SLC32A1: variants seen among roughly 807,000 people sequenced by gnomAD.
SLC32A1 encodes solute carrier family 32 member 1.
Under a neutral mutation model 35.5 loss-of-function variants are expected in SLC32A1, and 8 were observed. That is an observed-to-expected ratio of 0.23 (90% CI 0.13 to 0.41). The LOEUF is 0.41. Ranked by LOEUF, SLC32A1 falls within the 10% of genes least tolerant of loss-of-function variation. The probability of loss-of-function intolerance (pLI) is 1.00; values close to 1 mark genes in which losing one functional copy is unlikely to be tolerated. For missense variants in SLC32A1, 493 were observed against 722.3 expected (o/e 0.68, Z 3.64); for synonymous variants, 317 against 326.3 (o/e 0.97, Z 0.31).
chr20:38,728,794 T>A lies in SLC32A1; in HGVS notation c.*155T>A. Reference sequence around the variant, plus strand: ...TCTGATTATTCGGGGATGGGGGGGATGGGAGGGGACAGGGATTCACGATCC... The same window carrying A: ...TCTGATTATTCGGGGATGGGGGGGAAGGGAGGGGACAGGGATTCACGATCC... On this transcript the variant is annotated 3_prime_UTR_variant, in exon 2 of 2. Coordinates refer to ENST00000217420, the MANE Select transcript of SLC32A1 (RefSeq NM_080552.3). 1 of 310,838 alleles carries A rather than the reference T, an allele frequency of 3.2e-6. No individual in the cohort carries two copies. The highest frequency in any genetic ancestry group is 2.5e-5 in the South Asian group (1 of 40,224). The allele number at this position is 310,838 out of a possible 1,614,324, so 19.3% of individuals were successfully genotyped here.
In SLC32A1 at chr20:38,727,767, C is replaced by A. The variant is rs777297939; in HGVS notation, c.706C>A (p.Leu236Met). 1.2e-5 allele frequency: 20 copies of A among 1,614,198 alleles called. No individual in the cohort carries two copies. Among genetic ancestry groups the A allele is most frequent in the Non-Finnish European group, 1.5e-5 (18 of 1,180,038 alleles). ...GNLMYNSFPGLPVSQKSWSII... is the reference protein window; with the variant it reads ...GNLMYNSFPGMPVSQKSWSII... ...CCTCATGTACAACAGCTTCCCGGGG[C>A]TGCCCGTGTCGCAGAAGTCCTGGTC... is the stretch of plus-strand genomic sequence containing the variant. The change falls in exon 2 of 2, where the codon CTG becomes ATG. Residue 236 changes from leucine to methionine, a missense_variant. Physicochemically the swap from Leu to Met is conservative, Grantham distance 15. Around this residue, in one of 4 missense-constraint regions of SLC32A1, gnomAD observed 269 missense variants for 445.6 expected, o/e 0.60. Coordinates refer to ENST00000217420, the MANE Select transcript of SLC32A1 (RefSeq NM_080552.3).
At chr20:38,725,213 C>A (rs1298202287) in intron 1 of SLC32A1, 99 bp downstream of exon 1, 5 of 1,400,972 alleles carry the variant, frequency 3.6e-6, no homozygotes, top group Non-Finnish European at 4.7e-6. Context: ...GGCCTGGAGA[C>A]CCCCTCCTGT....
In SLC32A1 at chr20:38,724,563, C is replaced by A. The variant is rs1054331620; in HGVS notation, c.-162C>A. The stretch of plus-strand genomic sequence containing the variant: ...CTTGCCCGGTCCAGCCCTGAGAGAG[C>A]CTCGAACGCCAGCTGCGAGGGTCAT... On this transcript the variant is annotated 5_prime_UTR_variant, in exon 1 of 2. Transcript: ENST00000217420. 4.5e-6 allele frequency: 4 copies of A among 888,980 alleles called. No homozygotes were observed. Among genetic ancestry groups the A allele is most frequent in the Non-Finnish European group, 6.6e-6 (4 of 602,900 alleles). The allele number at this position is 888,980 out of a possible 1,614,324, so 55.1% of individuals were successfully genotyped here. A position where few individuals can be genotyped will look rare whatever the true frequency, so the allele number is the denominator to read the frequency against.
chr20:38,729,145 T>G lies in SLC32A1; in HGVS notation c.*506T>G. On this transcript the variant is annotated 3_prime_UTR_variant, in exon 2 of 2. Transcript: ENST00000217420. ...GGGAAATCCATTTTGGGTGGGCAAT[T>G]TCCTTCAACGAAGCCGGAAGGCGAG... 6.5e-6 allele frequency: 1 copy of G among 154,304 alleles called. No homozygotes were observed. The allele number at this position is 154,304 out of a possible 1,614,324, so 9.6% of individuals were successfully genotyped here.
In SLC32A1 at chr20:38,726,657, C is replaced by T. The variant is rs2084277342; in HGVS notation, c.391-795C>T. On this transcript the variant is annotated intron_variant, in intron 1 of 1. Coordinates refer to ENST00000217420, the MANE Select transcript of SLC32A1 (RefSeq NM_080552.3). This position sits in a 1 kb window ranked among gnomAD's most constrained non-coding sequence, Gnocchi z 4.7. ...CCTGGCGCCTTCCCGCCAAGCTCCTCCTCCTGCTTGCCTCCCCAGCCTCCA... is the reference window on the plus strand; with the variant it reads ...CCTGGCGCCTTCCCGCCAAGCTCCTTCTCCTGCTTGCCTCCCCAGCCTCCA... 6.6e-6 allele frequency among the ~76,000 whole-genome samples: 1 copy of T among 152,188 alleles called. No individual in the cohort carries two copies. The highest frequency in any genetic ancestry group is 1.5e-5 in the Non-Finnish European group (1 of 68,036).
At chr20:38,727,368 C>T in intron 1 of SLC32A1, 84 bp from the exon 2 acceptor site, 1 of 1,335,972 alleles carries the variant, frequency 7.5e-7, no homozygotes, top group Non-Finnish European at 1.0e-6. Flanking sequence ...CTTCGGGCCA[C>T]AGCGTTAAGC....
At position 38,729,370 on chromosome 20, in the gene SLC32A1, G is replaced by C. The variant is rs1356081086; in HGVS notation, c.*731G>C. ...ATCCGCAAATAAAGAAGAGACAAAG[G>C]CTTGCGCGGCCCGGTGTCGGGTTTG... On this transcript the variant is annotated 3_prime_UTR_variant, in exon 2 of 2. Transcript: ENST00000217420. 6.6e-6 allele frequency: 1 copy of C among 152,584 alleles called. No individual in the cohort carries two copies. The highest frequency in any genetic ancestry group is 2.1e-4 in the South Asian group (1 of 4,830). 9.5% of individuals were successfully genotyped at this position (152,584 alleles called of 1,614,324 possible).
chr20:38,726,834 C>T lies in SLC32A1; in HGVS notation c.391-618C>T, dbSNP rs1161430521. ...TGTTCTTGCCTCCCAGGGGCTTTGC[C>T]CCACCTTCAGCCCCTCTCCCTCTCT... On this transcript the variant is annotated intron_variant, in intron 1 of 1. Transcript: ENST00000217420. The surrounding 1 kb of genome is among the most constrained non-coding windows in gnomAD (Gnocchi z 4.7). 1.3e-5 allele frequency among the ~76,000 whole-genome samples: 2 copies of T among 152,186 alleles called. No homozygotes were observed. Among genetic ancestry groups the T allele is most frequent in the Non-Finnish European group, 2.9e-5 (2 of 68,022 alleles).
rs6100927 is a variant in SLC32A1 at position 38,728,298 on chromosome 20, G to T, written c.1237G>T (p.Gly413Cys). The change falls in exon 2 of 2, where the codon GGC (glycine) becomes TGC (cysteine). Residue 413 changes from glycine (G) to cysteine (C), a missense_variant. Physicochemically the swap from Gly to Cys is radical, Grantham distance 159. This residue lies in a region of SLC32A1 where 269 missense variants were observed against 445.6 expected (regional missense o/e 0.60). Transcript: ENST00000217420. The part of the protein sequence containing the change: ...EVLEKSLFQE[G>C]SRAFFPACYS... ...GCTGGAGAAGTCGCTCTTCCAGGAA[G>T]GCAGCCGCGCCTTTTTCCCGGCCTG... 4 of 1,613,634 alleles carry T rather than the reference G, an allele frequency of 2.5e-6. No individual in the cohort carries two copies. Among genetic ancestry groups the T allele is most frequent in the Non-Finnish European group, 3.4e-6 (4 of 1,179,694 alleles).
At position 38,726,708 on chromosome 20, in the gene SLC32A1, C is replaced by A. The variant is rs1053282730; in HGVS notation, c.391-744C>A. ...CTTAGTCCCCTTCCTTAGGTCTCGC[C>A]CTCGCCTCACTCTAACTCCAGCCTT... is the stretch of plus-strand genomic sequence containing the variant. On this transcript the variant is annotated intron_variant, in intron 1 of 1. Coordinates refer to ENST00000217420, the MANE Select transcript of SLC32A1 (RefSeq NM_080552.3). The surrounding 1 kb of genome is among the most constrained non-coding windows in gnomAD (Gnocchi z 4.7). Among the ~76,000 whole-genome samples, 2 of 152,134 alleles carry A rather than the reference C, an allele frequency of 1.3e-5. No individual in the cohort carries two copies. Among genetic ancestry groups the A allele is most frequent in the African/African-American group, 4.8e-5 (2 of 41,422 alleles).
chr20:38,725,212 A>C, intron 1 of SLC32A1, 98 bp downstream of exon 1: 3 of 1,386,624 alleles, frequency 2.2e-6, no homozygotes, highest in Admixed American at 2.8e-5. Flanking sequence ...CGGCCTGGAG[A>C]CCCCCTCCTG....
Position 38,724,985 on chromosome 20 carries a change from A to G in SLC32A1, c.261A>G (p.Arg87=). 6.3e-7 allele frequency: 1 copy of G among 1,591,398 alleles called. No individual in the cohort carries two copies. Among genetic ancestry groups the G allele is most frequent in the East Asian group, 2.3e-5 (1 of 44,366 alleles). ...TCGAGGGAGACATCCATTATCAGCG[A>G]GGCAGCGGAGCTCCTCTGCCGCCCT... ...APVEGDIHYQ[R]GSGAPLPPSG... is the part of the protein sequence containing the mutation. Residue 87 remains arginine, a synonymous_variant, in exon 1 of 2, where the codon CGA becomes CGG. Transcript: ENST00000217420.
Position 38,727,451 on chromosome 20 carries a change from G to C in SLC32A1, c.391-1G>C. On this transcript the variant is annotated splice_acceptor_variant, in intron 1 of 1. Transcript: ENST00000217420. LOFTEE classifies it high-confidence loss of function. Reference sequence around the variant, plus strand: ...CGTCTGGTTGCCTCTCCGCCCCACAGGGCATGTTCGTGCTGGGCCTACCCT... The same window carrying C: ...CGTCTGGTTGCCTCTCCGCCCCACACGGCATGTTCGTGCTGGGCCTACCCT... The C allele has an allele frequency of 6.2e-7, 1 of 1,606,678 alleles. No individual in the cohort carries two copies. Among genetic ancestry groups the C allele is most frequent in the Non-Finnish European group, 8.5e-7 (1 of 1,178,570 alleles).
At position 38,724,670 on chromosome 20, in the gene SLC32A1, C is replaced by T; in HGVS notation, c.-55C>T. ...CCCCCCAGCCCTCGCCTTCTTGCAT[C>T]GCGTTCCCCGCATCCTCGGGTCCTT... is the stretch of plus-strand genomic sequence containing the variant. On this transcript the variant is annotated 5_prime_UTR_variant, in exon 1 of 2. Coordinates refer to ENST00000217420, the MANE Select transcript of SLC32A1 (RefSeq NM_080552.3). The T allele has an allele frequency of 1.3e-6, 2 of 1,532,626 alleles. No individual in the cohort carries two copies. The highest frequency in any genetic ancestry group is 1.3e-5 in the South Asian group (1 of 79,204). The allele number at this position is 1,532,626 out of a possible 1,614,324, so 94.9% of individuals were successfully genotyped here.
intron 1 of SLC32A1, among the ~76,000 whole-genome samples, chr20:38,727,137 G>A (rs997683497): frequency 6.6e-6 from 1 of 151,774 alleles, no homozygotes; most frequent in African/African-American, 2.4e-5. Context: ...CTTCCCTCCT[G>A]TGGCTTCTCC....
At position 38,728,391 on chromosome 20, in the gene SLC32A1, C is replaced by T; in HGVS notation, c.1330C>T (p.Leu444=). 6.2e-7 allele frequency: 1 copy of T among 1,610,198 alleles called. No individual in the cohort carries two copies. The highest frequency in any genetic ancestry group is 8.5e-7 in the Non-Finnish European group (1 of 1,178,430). Residue 444 remains leucine (L), a synonymous_variant, in exon 2 of 2, where the codon CTG becomes TTG. Transcript: ENST00000217420. ...TLRCALVVFT[L]LMAIYVPHFA... is the part of the protein sequence containing the mutation. ...GCGCTGCGCGCTCGTCGTCTTCACG[C>T]TGCTCATGGCCATTTATGTGCCGCA...
chr20:38,724,587 A>T lies in SLC32A1; in HGVS notation c.-138A>T. On this transcript the variant is annotated 5_prime_UTR_variant, in exon 1 of 2. An upstream start codon of the reference 5' UTR is lost. Transcript: ENST00000217420. Reference sequence around the variant, plus strand: ...GCCTCGAACGCCAGCTGCGAGGGTCATGAGCCAGAGAGCCCCGGGGCGCCG... The same window carrying T: ...GCCTCGAACGCCAGCTGCGAGGGTCTTGAGCCAGAGAGCCCCGGGGCGCCG... The T allele has an allele frequency of 1.8e-6, 2 of 1,083,818 alleles. No homozygotes were observed. Among genetic ancestry groups the T allele is most frequent in the Non-Finnish European group, 2.6e-6 (2 of 776,550 alleles). 67.1% of individuals were successfully genotyped at this position (1,083,818 alleles called of 1,614,324 possible). A position where few individuals can be genotyped will look rare whatever the true frequency, so the allele number is the denominator to read the frequency against.
At chr20:38,725,255 A>G (rs559047875) in intron 1 of SLC32A1, 141 bp downstream of exon 1, 4 of 1,120,042 alleles carry the variant, frequency 3.6e-6, no homozygotes, top group East Asian at 6.0e-5. Flanking sequence ...CATCCCTCCC[A>G]GCCCTGCGCG....
rs376904970 is a variant in SLC32A1, at chr20:38,728,396, C to G, written c.1335C>G (p.Leu445=). The change falls in exon 2 of 2, where the codon CTC becomes CTG. Residue 445 remains leucine, a synonymous_variant. Transcript: ENST00000217420. Reference sequence around the variant, plus strand: ...GCGCGCTCGTCGTCTTCACGCTGCTCATGGCCATTTATGTGCCGCACTTCG... The same window carrying G: ...GCGCGCTCGTCGTCTTCACGCTGCTGATGGCCATTTATGTGCCGCACTTCG... The part of the protein sequence containing the change: ...LRCALVVFTL[L]MAIYVPHFAL... 2.5e-6 allele frequency: 4 copies of G among 1,610,770 alleles called. No homozygotes were observed. The African/African-American group carries it at 5.3e-5, about 22-fold the overall frequency.
Sources: allele counts gnomAD v4.1 joint callset (sites outside exome capture counted in the v4.1 genomes callset), GRCh38; gene constraint gnomAD v4.1.1; regional missense constraint gnomAD v4.1.1; non-coding constraint Gnocchi (gnomAD v3.1); transcripts MANE v1.5; gene names NCBI Gene and HGNC (gene_info 2026-07-23, HGNC 2026-07-21).